Variants in CACNA1I observed in about 807,000 individuals in gnomAD.
The protein encoded by CACNA1I is calcium voltage-gated channel subunit alpha1 I.
Under a neutral mutation model 201.6 loss-of-function variants are expected in CACNA1I, and 74 were observed. That is an observed-to-expected ratio of 0.37 (90% CI 0.30 to 0.45). The LOEUF is 0.45. Ranked by LOEUF, CACNA1I falls within the 20% of genes least tolerant of loss-of-function variation. CACNA1I has a pLI of 1.00. For synonymous variants in CACNA1I, 1,431 were observed against 1,345.2 expected, an observed-to-expected ratio of 1.06 and a Z score of -1.40; for missense variants, 2,346 against 3,138.1, an observed-to-expected ratio of 0.75 and a Z score of 6.03.
intron 1 of CACNA1I, among the ~76,000 whole-genome samples, chr22:39,573,420 G>T (rs931130131): frequency 6.6e-6 from 1 of 152,124 alleles, no homozygotes; most frequent in African/African-American, 2.4e-5. Flanking sequence ...CTCTGGCTGG[G>T]CTGGCTGGGG....
intron 10 of CACNA1I, among the ~76,000 whole-genome samples, chr22:39,651,269 G>A (rs917832596): frequency 3.3e-5 from 5 of 152,288 alleles, no homozygotes; most frequent in South Asian, 4.1e-4. Flanking sequence ...GCTGCCCTGC[G>A]GCCCTCCTTC....
At chr22:39,595,932 G>A (rs1296652202) in intron 1 of CACNA1I, among the ~76,000 whole-genome samples, 1 of 151,218 alleles carries the variant, frequency 6.6e-6, no homozygotes, top group Non-Finnish European at 1.5e-5. Flanking sequence ...GTGGCAGGGC[G>A]TGAAGAGGGC....
intron 1 of CACNA1I, among the ~76,000 whole-genome samples, chr22:39,576,149 TC>T (rs1299158446): frequency 6.6e-6 from 1 of 152,150 alleles, no homozygotes; most frequent in African/African-American, 2.4e-5. Flanking sequence ...CACTTCCTTT[TC>T]CCCCTCTCTG....
intron 1 of CACNA1I, among the ~76,000 whole-genome samples, chr22:39,571,791 A>T (rs111602469): frequency 0.011 from 1,710 of 152,334 alleles, 30 homozygotes; most frequent in African/African-American, 0.035. Context: ...TAACTGTCAC[A>T]TCTAACTGTG....
chr22:39,661,402 G>A (rs544166610), intron 16 of CACNA1I, 92 bp downstream of exon 16: 104 of 1,032,780 alleles, frequency 1.0e-4, no homozygotes, highest in Non-Finnish European at 1.4e-4. Context: ...TCTAGCCTCA[G>A]ACTCTGGTGC....
chr22:39,646,895 C>A lies in CACNA1I; in HGVS notation c.1462+14C>A, dbSNP rs1462409577. ...CCCGGCACTACCGTAAGTGGCCCTG[C>A]ATCCGACGCGGCACTCAGGCACTTC... On this transcript the variant is annotated intron_variant, in intron 8 of 36. Transcript: ENST00000402142. 3 of 1,472,760 alleles carry A rather than the reference C, an allele frequency of 2.0e-6. No individual in the cohort carries two copies. The highest frequency in any genetic ancestry group is 2.7e-6 in the Non-Finnish European group (3 of 1,114,466). 91.2% of individuals were successfully genotyped at this position (1,472,760 alleles called of 1,614,324 possible). A position where few individuals can be genotyped will look rare whatever the true frequency, so the allele number is the denominator to read the frequency against.
At chr22:39,596,158 TGG>T (rs1932883420) in intron 1 of CACNA1I, among the ~76,000 whole-genome samples, 2 of 16,762 alleles carry the variant, frequency 1.2e-4, no homozygotes, top group Non-Finnish European at 2.1e-4. Context: ...GGGAGCAGGG[TGG>T]AGAGAGATGG....
chr22:39,593,369 G>C (rs1932844578), intron 1 of CACNA1I, among the ~76,000 whole-genome samples: 1 of 152,206 alleles, frequency 6.6e-6, no homozygotes, highest in Non-Finnish European at 1.5e-5. Context: ...ATTCATCACT[G>C]TGGTACGTGC....
At chr22:39,614,315 G>A (rs980183594) in intron 3 of CACNA1I, among the ~76,000 whole-genome samples, 1 of 152,182 alleles carries the variant, frequency 6.6e-6, no homozygotes, top group African/African-American at 2.4e-5. Flanking sequence ...CAGAAACACA[G>A]TACAAGCAGG....
chr22:39,660,480 C>A, intron 15 of CACNA1I, 43 bp downstream of exon 15: 1 of 1,428,662 alleles, frequency 7.0e-7, no homozygotes, highest in Non-Finnish European at 9.7e-7. Context: ...CCAGAGCCTT[C>A]TCCACAGATC....
At chr22:39,576,573 G>A (rs1932362147) in intron 1 of CACNA1I, among the ~76,000 whole-genome samples, 1 of 152,264 alleles carries the variant, frequency 6.6e-6, no homozygotes, top group Non-Finnish European at 1.5e-5. Flanking sequence ...TGGGGCAGTG[G>A]CGCTTCTGCT....
chr22:39,629,376 C>G lies in CACNA1I; in HGVS notation c.581-5189C>G, dbSNP rs1348216222. ...GGCTCCAGGCCCCAAACCTTGGAGT[C>G]GTCCCCAACTGCCCTCTTCCTCCTA... is the stretch of plus-strand genomic sequence containing the variant. On this transcript the variant is annotated intron_variant, in intron 4 of 36. Coordinates refer to ENST00000402142, the MANE Select transcript of CACNA1I (RefSeq NM_021096.4). This position sits in a 1 kb window ranked among gnomAD's most constrained non-coding sequence, Gnocchi z 4.8. Among the ~76,000 whole-genome samples the G allele has an allele frequency of 1.3e-5, 2 of 152,016 alleles. No individual in the cohort carries two copies. The highest frequency in any genetic ancestry group is 2.9e-5 in the Non-Finnish European group (2 of 68,016).
intron 5 of CACNA1I, among the ~76,000 whole-genome samples, chr22:39,640,497 C>T (rs767832340): frequency 3.3e-5 from 5 of 152,160 alleles, no homozygotes; most frequent in South Asian, 2.1e-4. Flanking sequence ...TCTGCTAGAT[C>T]GGTAAAAGCC....
At position 39,670,094 on chromosome 22, in the gene CACNA1I, C is replaced by T. The variant is rs1429111116; in HGVS notation, c.4251C>T (p.Ile1417=). ...MLLYFISFLL[I]VSFFVLNMFV... The stretch of plus-strand genomic sequence containing the variant: ...TGTACTTCATCTCCTTCCTGCTCAT[C>T]GTCAGCTTCTTTGTGCTCAACATGT... Residue 1417 remains isoleucine (I), a synonymous_variant, in exon 25 of 37, where the codon ATC becomes ATT. Coordinates refer to ENST00000402142, the MANE Select transcript of CACNA1I (RefSeq NM_021096.4). 3.1e-5 allele frequency: 50 copies of T among 1,613,612 alleles called. No individual in the cohort carries two copies. The highest frequency in any genetic ancestry group is 1.8e-4 in the Middle Eastern group (1 of 5,694).
chr22:39,678,225 G>T, intron 31 of CACNA1I, 117 bp downstream of exon 31: 1 of 1,234,146 alleles, frequency 8.1e-7, no homozygotes, highest in Non-Finnish European at 1.1e-6. Context: ...GGAGGGGCAT[G>T]CAGGGCACGG....
At chr22:39,594,827 C>A (rs193042736) in intron 1 of CACNA1I, among the ~76,000 whole-genome samples, 486 of 151,722 alleles carry the variant, frequency 3.2e-3, no homozygotes, top group African/African-American at 0.011. Context: ...TACAGTAGCA[C>A]CCCCCCTTAC....
At chr22:39,582,201 G>A (rs1223772611) in intron 1 of CACNA1I, among the ~76,000 whole-genome samples, 1 of 152,174 alleles carries the variant, frequency 6.6e-6, no homozygotes, top group Non-Finnish European at 1.5e-5. Context: ...TACAGTTTGG[G>A]CTTCACCAAG....
intron 1 of CACNA1I, among the ~76,000 whole-genome samples, chr22:39,582,695 C>T (rs2145806393): frequency 6.6e-6 from 1 of 151,812 alleles, no homozygotes; most frequent in South Asian, 2.1e-4. Flanking sequence ...TGAAATGTCA[C>T]ATTCCCAACT....
At chr22:39,583,367 TCCATCCA>T (rs1932644025) in intron 1 of CACNA1I, among the ~76,000 whole-genome samples, 4 of 3,848 alleles carry the variant, frequency 1.0e-3, no homozygotes, top group Admixed American at 4.8e-3. Context: ...CAACCATCTA[TCCATCCA>T]TCCATCCATC....
Sources: allele counts gnomAD v4.1 joint callset (sites outside exome capture counted in the v4.1 genomes callset), GRCh38; gene constraint gnomAD v4.1.1; non-coding constraint Gnocchi (gnomAD v3.1); transcripts MANE v1.5; gene names NCBI Gene and HGNC (gene_info 2026-07-23, HGNC 2026-07-21).